Variants in SP140L observed in about 807,000 individuals in gnomAD.
The protein encoded by SP140L is nuclear body protein SP140-like protein.
Under a neutral mutation model 84.3 loss-of-function variants are expected in SP140L, and 64 were observed. The observed-to-expected ratio is 0.76, with a 90% CI of 0.62 to 0.94. The LOEUF (loss-of-function observed/expected upper bound fraction) is 0.94. Ranked by LOEUF, SP140L falls within the 40% of genes least tolerant of loss-of-function variation. SP140L has a pLI of 0.00. For missense variants in SP140L, 628 were observed against 692.5 expected (o/e 0.91, Z 1.05); for synonymous variants, 242 against 236.9 (o/e 1.02, Z -0.20).
At chr2:230,397,446 A>G (rs988705174) in intron 14 of SP140L, among the ~76,000 whole-genome samples, 4 of 152,196 alleles carry the variant, frequency 2.6e-5, no homozygotes, top group Non-Finnish European at 4.4e-5. Flanking sequence ...GAGGCATTTT[A>G]ACTCAACTGC....
chr2:230,396,863 G>T (rs1334538690), intron 14 of SP140L, 65 bp downstream of exon 14: 4 of 1,582,898 alleles, frequency 2.5e-6, no homozygotes, highest in Non-Finnish European at 3.5e-6. Context: ...CATATGTTCT[G>T]TGTCATGACT....
Position 230,402,813 on chromosome 2 carries a change from C to G in SP140L, c.1660C>G (p.Gln554Glu). ...RASYKYKDFG[Q>E]MGLRLEAEFE... is the part of the protein sequence containing the mutation. ...TTTTTTCCAGTATAAGGATTTTGGCCAAATGGGACTTAGACTGGAGGCTGA... is the reference window on the plus strand; with the variant it reads ...TTTTTTCCAGTATAAGGATTTTGGCGAAATGGGACTTAGACTGGAGGCTGA... The change falls in exon 19 of 19, where the codon CAA becomes GAA. Residue 554 changes from glutamine (Q) to glutamate (E), a missense_variant. Gln to Glu is a conservative substitution (Grantham distance 29). Around this residue, in one of 4 missense-constraint regions of SP140L, gnomAD observed 44 missense variants for 36.1 expected, o/e 1.22. Transcript: ENST00000415673. The G allele has an allele frequency of 1.9e-6, 3 of 1,611,630 alleles. No individual in the cohort carries two copies. Among genetic ancestry groups the G allele is most frequent in the East Asian group, 2.2e-5 (1 of 44,812 alleles).
chr2:230,390,096 G>T, intron 11 of SP140L, 73 bp downstream of exon 11: 1 of 1,357,630 alleles, frequency 7.4e-7, no homozygotes, highest in Non-Finnish European at 1.0e-6. Flanking sequence ...AATTATTTGT[G>T]TGAATTACAC....
rs143283307 is a variant in SP140L, at chr2:230,364,932, G to A, written c.523+3235G>A. Among the ~76,000 whole-genome samples the A allele has an allele frequency of 1.4e-4, 21 of 152,080 alleles. 1 individual carries two copies. The highest frequency in any genetic ancestry group is 9.8e-4 in the Admixed American group (15 of 15,288). On this transcript the variant is annotated intron_variant, in intron 5 of 18. Coordinates refer to ENST00000415673, the MANE Select transcript of SP140L (RefSeq NM_138402.6). ...TTGTCCTTCATTCTATTAATGCAAC[G>A]TATGACCTTTTAAGATTTGTGTGTT... is the stretch of plus-strand genomic sequence containing the variant.
intron 7 of SP140L, among the ~76,000 whole-genome samples, chr2:230,376,007 C>G (rs1440598181): frequency 6.6e-6 from 1 of 151,952 alleles, no homozygotes; most frequent in Admixed American, 6.6e-5. Context: ...GGAGTTTTTC[C>G]CTGTTTTCTT....
At chr2:230,331,075 T>C (rs2059712947) in intron 2 of SP140L, among the ~76,000 whole-genome samples, 1 of 152,158 alleles carries the variant, frequency 6.6e-6, no homozygotes, top group Non-Finnish European at 1.5e-5. Flanking sequence ...TGCTGGCCAT[T>C]CAGATATGCC....
At chr2:230,391,980 T>C (rs2061829114) in intron 11 of SP140L, 107 bp from the exon 12 acceptor site, 1 of 1,492,394 alleles carries the variant, frequency 6.7e-7, no homozygotes, top group African/African-American at 1.4e-5. Context: ...CTCCTGCTAT[T>C]GATCTTCATC....
intron 2 of SP140L, among the ~76,000 whole-genome samples, chr2:230,337,551 A>T (rs2059914886): frequency 6.6e-6 from 1 of 151,894 alleles, no homozygotes; most frequent in Admixed American, 6.6e-5. Context: ...TTGGTGTTTT[A>T]GACATGAAGT....
rs921538142 is a variant in SP140L, at chr2:230,353,558, T to C, written c.108-4247T>C. ...CATTAATGGGAAATGTTCTGCTTTT[T>C]GTTTTATTTAAAGTTGCATACCATA... On this transcript the variant is annotated intron_variant, in intron 2 of 18. Coordinates refer to ENST00000415673, the MANE Select transcript of SP140L (RefSeq NM_138402.6). Among the ~76,000 whole-genome samples the C allele has an allele frequency of 1.4e-4, 22 of 152,232 alleles. 1 individual carries two copies. The highest frequency in any genetic ancestry group is 4.6e-4 in the African/African-American group (19 of 41,578).
At chr2:230,353,576 A>G (rs987238698) in intron 2 of SP140L, among the ~76,000 whole-genome samples, 2 of 152,112 alleles carry the variant, frequency 1.3e-5, no homozygotes, top group African/African-American at 4.8e-5. Flanking sequence ...TTAAAGTTGC[A>G]TACCATAAAT....
At chr2:230,332,903 G>T (rs896311704) in intron 2 of SP140L, among the ~76,000 whole-genome samples, 3 of 152,086 alleles carry the variant, frequency 2.0e-5, no homozygotes, top group African/African-American at 7.2e-5. Flanking sequence ...CTCCTGTGTT[G>T]GGTCTTGTTT....
intron 3 of SP140L, among the ~76,000 whole-genome samples, chr2:230,358,252 T>A (rs2060609648): frequency 6.6e-6 from 1 of 152,228 alleles, no homozygotes; most frequent in African/African-American, 2.4e-5. Flanking sequence ...AATGAATTGA[T>A]TTACTGAAAT....
intron 12 of SP140L, 25 bp from the exon 13 acceptor site, chr2:230,393,389 G>T (rs773544039): frequency 3.0e-5 from 48 of 1,575,118 alleles, no homozygotes; most frequent in Admixed American, 3.7e-5. Context: ...GGCTGACTAT[G>T]TACCTTGGTC....
At chr2:230,342,855 G>T (rs936085320) in intron 2 of SP140L, among the ~76,000 whole-genome samples, 14 of 151,826 alleles carry the variant, frequency 9.2e-5, no homozygotes, top group African/African-American at 3.1e-4. Flanking sequence ...GAGTTTTGTT[G>T]ATCTTTTCTA....
chr2:230,369,871 T>C (rs1291931224), intron 5 of SP140L, among the ~76,000 whole-genome samples: 1 of 152,228 alleles, frequency 6.6e-6, no homozygotes, highest in African/African-American at 2.4e-5. Context: ...CCTCCTGGGT[T>C]CAAGTGATTC....
chr2:230,396,790 G>A lies in SP140L; in HGVS notation c.1189G>A (p.Asp397Asn), dbSNP rs1389723146. 1.9e-6 allele frequency: 3 copies of A among 1,613,972 alleles called. No individual in the cohort carries two copies. Among genetic ancestry groups the A allele is most frequent in the South Asian group, 2.2e-5 (2 of 91,038 alleles). ...GAAGTCTCAAAACAATAGCTCAGTT[G>A]ACCCTTGTGTAAGTATAAATTCTGA... ...ILKSQNNSSV[D>N]PCMRNLDECE... is the part of the protein sequence containing the mutation. Residue 397 changes from aspartate (D) to asparagine (N), a missense_variant, in exon 14 of 19, where the codon GAC becomes AAC. Asp to Asn is a conservative substitution (Grantham distance 23, BLOSUM62 1). Coordinates refer to ENST00000415673, the MANE Select transcript of SP140L (RefSeq NM_138402.6).
chr2:230,341,846 C>G (rs1404372899), intron 2 of SP140L, among the ~76,000 whole-genome samples: 1 of 151,986 alleles, frequency 6.6e-6, no homozygotes, highest in Non-Finnish European at 1.5e-5. Flanking sequence ...GCAGTCTGCC[C>G]GTTCTCAGAT....
At chr2:230,328,657 C>A in intron 1 of SP140L, 100 bp from the exon 2 acceptor site, 1 of 1,416,692 alleles carries the variant, frequency 7.1e-7, no homozygotes, top group Non-Finnish European at 9.4e-7. Context: ...TGCACATATG[C>A]AAGTATTTCT....
intron 1 of SP140L, among the ~76,000 whole-genome samples, chr2:230,327,518 A>G (rs1305838614): frequency 1.3e-5 from 2 of 152,232 alleles, no homozygotes; most frequent in Non-Finnish European, 2.9e-5. Flanking sequence ...GCTTGCCATA[A>G]CACAGATGAC....
Sources: allele counts gnomAD v4.1 joint callset (sites outside exome capture counted in the v4.1 genomes callset), GRCh38; gene constraint gnomAD v4.1.1; regional missense constraint gnomAD v4.1.1; transcripts MANE v1.5; gene names NCBI Gene and HGNC (gene_info 2026-07-23, HGNC 2026-07-21).